EXOC4: variants seen among roughly 807,000 people sequenced by gnomAD.
EXOC4 encodes SEC8-like 1.
EXOC4 carries 71 observed loss-of-function variants against 107.2 expected under a neutral mutation model. The observed-to-expected ratio is 0.66, with a 90% CI of 0.55 to 0.81. EXOC4 has a LOEUF of 0.81. Ranked by LOEUF, EXOC4 falls within the 30% of genes least tolerant of loss-of-function variation. The pLI, the probability that EXOC4 is intolerant of heterozygous loss-of-function variation, is 0.00. For synonymous variants in EXOC4, 456 were observed against 441.2 expected (o/e 1.03, Z -0.42); for missense variants, 1,108 against 1,189.6 (o/e 0.93, Z 1.01).
chr7:134,002,820 C>A (rs1401671930), intron 15 of EXOC4, among the ~76,000 whole-genome samples: 2 of 152,046 alleles, frequency 1.3e-5, no homozygotes, highest in South Asian at 2.1e-4. Flanking sequence ...ACTGACAACA[C>A]CAAGTACTGA....
intron 15 of EXOC4, among the ~76,000 whole-genome samples, chr7:134,002,329 A>G (rs1050686245): frequency 6.6e-6 from 1 of 152,306 alleles, no homozygotes; most frequent in Non-Finnish European, 1.5e-5. Context: ...TTAGCTTAAA[A>G]TGGATCATTC....
chr7:133,342,276 A>G (rs1480345007), intron 5 of EXOC4, among the ~76,000 whole-genome samples: 2 of 152,136 alleles, frequency 1.3e-5, no homozygotes, highest in African/African-American at 4.8e-5. Context: ...AAAAGACTGT[A>G]TCTTTCCTTC....
chr7:133,282,172 AG>A (rs1434121075), intron 2 of EXOC4, among the ~76,000 whole-genome samples: 2 of 152,184 alleles, frequency 1.3e-5, no homozygotes, highest in African/African-American at 4.8e-5. Flanking sequence ...TTTCCAAAAG[AG>A]GGCTGCAAAA....
At chr7:133,677,511 T>C (rs553794046) in intron 10 of EXOC4, among the ~76,000 whole-genome samples, 90 of 152,322 alleles carry the variant, frequency 5.9e-4, no homozygotes, top group Non-Finnish European at 1.1e-3. Flanking sequence ...AATTCCATAG[T>C]TTCAGTTTGC....
chr7:134,071,816 A>G, the EXOC4 span, among the ~76,000 whole-genome samples: 1 of 152,294 alleles, frequency 6.6e-6, no homozygotes, highest in East Asian at 1.9e-4. Flanking sequence ...ACTGCTACAG[A>G]ACCCCCCTCT....
At chr7:133,346,439 T>C (rs1255960252) in intron 5 of EXOC4, among the ~76,000 whole-genome samples, 1 of 152,236 alleles carries the variant, frequency 6.6e-6, no homozygotes, top group African/African-American at 2.4e-5. Context: ...GATTTCTTTT[T>C]AATTTCTTAA....
intron 9 of EXOC4, chr7:133,576,836 G>T (rs1330202996): frequency 7.8e-7 from 1 of 1,289,584 alleles, no homozygotes; most frequent in Non-Finnish European, 1.0e-6. Context: ...GAGATTTAGG[G>T]CCAATTAATT....
chr7:133,857,445 C>T (rs922199349), intron 11 of EXOC4, among the ~76,000 whole-genome samples: 1 of 136,072 alleles, frequency 7.3e-6, no homozygotes, highest in Non-Finnish European at 1.6e-5. Flanking sequence ...AGCCAGAACC[C>T]TCTGTGGCTG....
chr7:133,495,531 C>G (rs914301575), intron 9 of EXOC4, among the ~76,000 whole-genome samples: 1 of 152,118 alleles, frequency 6.6e-6, no homozygotes, highest in African/African-American at 2.4e-5. Flanking sequence ...AGGGTCAACA[C>G]TATTCTGATT....
At chr7:134,062,261 A>G (rs184126947) in intron 17 of EXOC4, among the ~76,000 whole-genome samples, 271 of 152,316 alleles carry the variant, frequency 1.8e-3, no homozygotes, top group Middle Eastern at 0.01. Context: ...TATTTTTAAA[A>G]GAGTGTGTTA....
At position 133,392,786 on chromosome 7, in the gene EXOC4, A is replaced by G. The variant is rs1364504314; in HGVS notation, c.1182+17784A>G. ...ATCAAAGAAGTAAACTAAAAATGCA[A>G]ATTTAATTTCAGGTTCATTACAAAT... On this transcript the variant is annotated intron_variant, in intron 7 of 17. Transcript: ENST00000253861. Among the ~76,000 whole-genome samples, 3 of 152,164 alleles carry G rather than the reference A, an allele frequency of 2.0e-5. No homozygotes were observed. In the East Asian group the frequency reaches 5.8e-4, roughly 29 times the overall value.
intron 9 of EXOC4, among the ~76,000 whole-genome samples, chr7:133,538,857 A>AAGAGAGAGAGAG (rs1554469398): frequency 5.5e-5 from 4 of 72,158 alleles, no homozygotes; most frequent in East Asian, 4.3e-4. Context: ...GAAAGAAAGA[A>AAGAGAGAGAGAG]AGAGAGAGAG....
chr7:133,903,156 G>T (rs1799492837), intron 12 of EXOC4, among the ~76,000 whole-genome samples: 1 of 152,226 alleles, frequency 6.6e-6, no homozygotes, highest in African/African-American at 2.4e-5. Flanking sequence ...TGAGCGAGAG[G>T]AGGAAGGGTA....
the EXOC4 span, among the ~76,000 whole-genome samples, chr7:134,099,216 G>A: frequency 6.6e-6 from 1 of 152,064 alleles, no homozygotes; most frequent in Non-Finnish European, 1.5e-5. Flanking sequence ...AAAGGGTGAT[G>A]GGACTCAGGA....
intron 10 of EXOC4, among the ~76,000 whole-genome samples, chr7:133,780,232 TC>T (rs200734464): frequency 4.7e-5 from 7 of 149,468 alleles, no homozygotes; most frequent in African/African-American, 1.2e-4. Context: ...TTAATATGCT[TC>T]CCAAAAAAAA....
At chr7:133,309,088 G>A (rs1409793333) in intron 4 of EXOC4, among the ~76,000 whole-genome samples, 3 of 152,102 alleles carry the variant, frequency 2.0e-5, no homozygotes, top group Non-Finnish European at 4.4e-5. Flanking sequence ...CCATCGAGCC[G>A]TCCTAGACAC....
At chr7:133,713,070 CT>C (rs1240027361) in intron 10 of EXOC4, among the ~76,000 whole-genome samples, 1 of 152,102 alleles carries the variant, frequency 6.6e-6, no homozygotes, top group African/African-American at 2.4e-5. Context: ...CTAGGTGCCC[CT>C]GAACTGTTCA....
intron 9 of EXOC4, among the ~76,000 whole-genome samples, chr7:133,501,090 ATATATAATTATTCAT>A (rs1406995806): frequency 2.0e-5 from 3 of 152,164 alleles, no homozygotes; most frequent in African/African-American, 7.2e-5. Flanking sequence ...GCATATATGT[ATATATAATTATTCAT>A]TAAAAATAAT....
intron 9 of EXOC4, among the ~76,000 whole-genome samples, chr7:133,579,045 G>A (rs755284266): frequency 1.5e-4 from 23 of 152,074 alleles, no homozygotes; most frequent in Non-Finnish European, 1.9e-4. Context: ...TGTAGATGAA[G>A]GTAAGATGTC....
Sources: allele counts gnomAD v4.1 joint callset (sites outside exome capture counted in the v4.1 genomes callset), GRCh38; gene constraint gnomAD v4.1.1; transcripts MANE v1.5; gene names NCBI Gene and HGNC (gene_info 2026-07-23, HGNC 2026-07-21).